ZNF385B: variants seen among roughly 807,000 people sequenced by gnomAD.
ZNF385B encodes the protein zinc finger protein 533.
A neutral mutation model predicts 39.2 loss-of-function variants in ZNF385B; 23 were observed. The observed-to-expected ratio is 0.59, with a 90% CI of 0.42 to 0.83. The LOEUF is 0.83. Ranked by LOEUF, ZNF385B falls within the 40% of genes least tolerant of loss-of-function variation. The probability of loss-of-function intolerance (pLI) is 0.00; values close to 1 mark genes in which losing one functional copy is unlikely to be tolerated. For missense variants in ZNF385B, 552 were observed against 598.9 expected (o/e 0.92, Z 0.82); for synonymous variants, 205 against 222.6 (o/e 0.92, Z 0.70).
At chr2:179,771,868 C>T (rs1704030301) in intron 1 of ZNF385B, among the ~76,000 whole-genome samples, 1 of 152,114 alleles carries the variant, frequency 6.6e-6, no homozygotes, top group Non-Finnish European at 1.5e-5. Flanking sequence ...ATAAGAAAAG[C>T]CAATAACGTT....
intron 1 of ZNF385B, among the ~76,000 whole-genome samples, chr2:179,801,497 C>T (rs1304958843): frequency 1.3e-5 from 2 of 152,076 alleles, no homozygotes; most frequent in Non-Finnish European, 2.9e-5. Flanking sequence ...TCCCAACTCC[C>T]TCCTCTGTGC....
intron 5 of ZNF385B, among the ~76,000 whole-genome samples, chr2:179,502,128 T>C (rs569273680): frequency 6.6e-6 from 1 of 152,312 alleles, no homozygotes; most frequent in Non-Finnish European, 1.5e-5. Context: ...GCAGCATTTA[T>C]CCAATTCCTG....
At chr2:179,630,804 A>G (rs1406041040) in intron 3 of ZNF385B, among the ~76,000 whole-genome samples, 1 of 152,194 alleles carries the variant, frequency 6.6e-6, no homozygotes, top group Non-Finnish European at 1.5e-5. Context: ...ACTAGAATAA[A>G]AAGTGTAGAG....
chr2:179,774,801 T>G (rs1430873994), intron 1 of ZNF385B, among the ~76,000 whole-genome samples: 1 of 152,230 alleles, frequency 6.6e-6, no homozygotes, highest in African/African-American at 2.4e-5. Context: ...CCCAACTGTT[T>G]AGGACAGTCT....
chr2:179,508,542 A>G lies in ZNF385B; in HGVS notation c.552+9986T>C, dbSNP rs552600316. 3.9e-5 allele frequency among the ~76,000 whole-genome samples: 6 copies of G among 152,358 alleles called. No individual in the cohort carries two copies. The East Asian group carries it at 1.2e-3, about 29-fold the overall frequency. On this transcript the variant is annotated intron_variant, in intron 5 of 9. Transcript: ENST00000410066. ...TCTTTTACTTTTGACTAAAAGAGTT[A>G]TTAACACAGGAATTTTACACAGGAA...
At chr2:179,460,241 C>T (rs2051176922) in intron 6 of ZNF385B, among the ~76,000 whole-genome samples, 1 of 152,046 alleles carries the variant, frequency 6.6e-6, no homozygotes, top group Non-Finnish European at 1.5e-5. Context: ...ACCTCCTTTG[C>T]AAAGATTGAG....
In ZNF385B at chr2:179,445,560, T is replaced by G. The variant is rs1323573616; in HGVS notation, c.1130A>C (p.Gln377Pro). 1 of 1,611,246 alleles carries G rather than the reference T, an allele frequency of 6.2e-7. No individual in the cohort carries two copies. The change falls in exon 8 of 10, where the codon CAA (glutamine) becomes CCA (proline). Residue 377 changes from glutamine to proline, a missense_variant. Transcript: ENST00000410066. Reference sequence around the variant, plus strand: ...TTCAGGATACGTTACCTGTTTGAGTTGAATTTCTGAATTAACATGAACATC... The same window carrying G: ...TTCAGGATACGTTACCTGTTTGAGTGGAATTTCTGAATTAACATGAACATC... The part of the protein sequence containing the change: ...ICDVHVNSEI[Q>P]LKQHISSRRH...
intron 3 of ZNF385B, among the ~76,000 whole-genome samples, chr2:179,738,730 G>A (rs575949983): frequency 4.6e-5 from 7 of 152,112 alleles, no homozygotes; most frequent in Admixed American, 3.3e-4. Context: ...TGTGGGAGGT[G>A]GCTCAGGATT....
chr2:179,731,048 C>T (rs182096118), intron 3 of ZNF385B, among the ~76,000 whole-genome samples: 54 of 152,290 alleles, frequency 3.5e-4, no homozygotes, highest in African/African-American at 1.2e-3. Flanking sequence ...ACACATTTAC[C>T]TGACCAAAAT....
At chr2:179,740,487 T>C (rs79532586) in intron 3 of ZNF385B, among the ~76,000 whole-genome samples, 1 of 152,232 alleles carries the variant, frequency 6.6e-6, no homozygotes, top group East Asian at 1.9e-4. Context: ...TTTTAAGAAA[T>C]TAAAAGAAAT....
intron 3 of ZNF385B, among the ~76,000 whole-genome samples, chr2:179,755,077 A>G (rs1229739850): frequency 1.3e-5 from 2 of 152,178 alleles, no homozygotes; most frequent in African/African-American, 4.8e-5. Flanking sequence ...TTAGTGCTAT[A>G]AATTTCCCTC....
intron 3 of ZNF385B, among the ~76,000 whole-genome samples, chr2:179,656,670 T>C (rs1575108035): frequency 6.6e-6 from 1 of 152,212 alleles, no homozygotes; most frequent in African/African-American, 2.4e-5. Flanking sequence ...TCAACCTTTT[T>C]ATTCATTGTT....
At chr2:179,531,438 T>G (rs933616298) in intron 4 of ZNF385B, among the ~76,000 whole-genome samples, 1 of 151,818 alleles carries the variant, frequency 6.6e-6, no homozygotes, top group South Asian at 2.1e-4. Context: ...GAGTTTGAGA[T>G]CAGCCTGGCC....
intron 3 of ZNF385B, among the ~76,000 whole-genome samples, chr2:179,655,631 A>C (rs1693674360): frequency 6.6e-6 from 1 of 151,848 alleles, no homozygotes; most frequent in Non-Finnish European, 1.5e-5. Flanking sequence ...TAAATTGTGG[A>C]CCCTCCTTTT....
At chr2:179,745,015 G>A (rs559803985) in intron 3 of ZNF385B, among the ~76,000 whole-genome samples, 1 of 151,994 alleles carries the variant, frequency 6.6e-6, no homozygotes, top group African/African-American at 2.4e-5. Context: ...AACCTCTCCA[G>A]GTGAGCACAG....
chr2:179,552,065 A>G lies in ZNF385B; in HGVS notation c.299-7096T>C, dbSNP rs767639640. ...TTCCTAATATGATCATAAGAAAACT[A>G]TTATTTCAGCCAACTGCCTCTGTAA... On this transcript the variant is annotated intron_variant, in intron 3 of 9. Coordinates refer to ENST00000410066, the MANE Select transcript of ZNF385B (RefSeq NM_152520.6). Among the ~76,000 whole-genome samples, 32 of 149,550 alleles carry G rather than the reference A, an allele frequency of 2.1e-4. 5 individuals carry two copies. Among genetic ancestry groups the G allele is most frequent in the South Asian group, 6.4e-4 (3 of 4,686 alleles).
At chr2:179,842,373 G>C (rs544245370) in intron 1 of ZNF385B, among the ~76,000 whole-genome samples, 1 of 152,212 alleles carries the variant, frequency 6.6e-6, no homozygotes, top group Admixed American at 6.5e-5. Flanking sequence ...TGGTCTCTTT[G>C]CATGCAGTCT....
intron 1 of ZNF385B, among the ~76,000 whole-genome samples, chr2:179,807,604 A>G (rs547738631): frequency 6.6e-6 from 1 of 150,596 alleles, no homozygotes; most frequent in East Asian, 2.0e-4. Context: ...CTCAAAAAAG[A>G]GTAAAAAAAG....
chr2:179,810,052 G>C (rs368446767), intron 1 of ZNF385B, among the ~76,000 whole-genome samples: 2 of 151,980 alleles, frequency 1.3e-5, no homozygotes, highest in South Asian at 4.2e-4. Flanking sequence ...CTTTGAAAAG[G>C]GAACATCAGG....
Sources: gnomAD v4.1 joint callset for allele counts (sites outside exome capture counted in the v4.1 genomes callset) on GRCh38, gnomAD v4.1.1 for gene constraint, MANE v1.5 for transcripts, NCBI Gene and HGNC (gene_info 2026-07-23, HGNC 2026-07-21) for gene names.